Variants in CNTNAP2 observed in about 807,000 individuals in gnomAD.
CNTNAP2 encodes the protein contactin-associated protein-like 2.
Under a neutral mutation model 155.2 loss-of-function variants are expected in CNTNAP2, and 98 were observed. That is an observed-to-expected ratio of 0.63 (90% CI 0.54 to 0.75). CNTNAP2 has a LOEUF of 0.75. Among genes scored for constraint, CNTNAP2 ranks in the 30% least tolerant of loss-of-function variants. The pLI, the probability that CNTNAP2 is intolerant of heterozygous loss-of-function variation, is 0.00. For synonymous variants in CNTNAP2, 651 were observed against 631.2 expected (o/e 1.03, Z -0.47); for missense variants, 1,727 against 1,688.1 (o/e 1.02, Z -0.40).
At chr7:146,335,683 A>C (rs932070907) in intron 1 of CNTNAP2, among the ~76,000 whole-genome samples, 4 of 152,014 alleles carry the variant, frequency 2.6e-5, no homozygotes, top group Non-Finnish European at 4.4e-5. Flanking sequence ...TTTTAATATG[A>C]TTTTCTAACT....
intron 15 of CNTNAP2, among the ~76,000 whole-genome samples, chr7:148,117,647 G>A (rs1235560188): frequency 1.3e-5 from 2 of 152,090 alleles, no homozygotes; most frequent in Admixed American, 6.5e-5. Context: ...TACATATGCA[G>A]GAGTTCAAAA....
At chr7:148,086,818 A>G (rs185139483) in intron 15 of CNTNAP2, among the ~76,000 whole-genome samples, 168 of 152,312 alleles carry the variant, frequency 1.1e-3, no homozygotes, top group Middle Eastern at 6.8e-3. Context: ...AGATTCAGAC[A>G]CTAGCCAGTC....
intron 13 of CNTNAP2, among the ~76,000 whole-genome samples, chr7:147,649,870 TAAAA>T (rs35530912): frequency 6.6e-6 from 1 of 151,056 alleles, no homozygotes; most frequent in African/African-American, 2.4e-5. Flanking sequence ...ATTGGATAGA[TAAAA>T]AAAAATGTAC....
At chr7:147,567,577 A>C (rs1312677304) in intron 12 of CNTNAP2, among the ~76,000 whole-genome samples, 1 of 152,100 alleles carries the variant, frequency 6.6e-6, no homozygotes, top group Admixed American at 6.5e-5. Context: ...GATTGATTTG[A>C]TGGGTATTTA....
intron 10 of CNTNAP2, among the ~76,000 whole-genome samples, chr7:147,441,807 G>GTT (rs1425736016): frequency 1.3e-5 from 1 of 76,826 alleles, no homozygotes; most frequent in Non-Finnish European, 2.8e-5. Context: ...ACCAAATGTA[G>GTT]TCTCTTTCTC....
intron 3 of CNTNAP2, among the ~76,000 whole-genome samples, chr7:146,845,557 T>C (rs529263225): frequency 4.6e-5 from 7 of 152,318 alleles, no homozygotes; most frequent in African/African-American, 1.4e-4. Context: ...TCTAGTGTAG[T>C]ATGTTTTTTC....
intron 10 of CNTNAP2, among the ~76,000 whole-genome samples, chr7:147,401,054 G>A (rs2116467105): frequency 6.6e-6 from 1 of 152,224 alleles, no homozygotes; most frequent in Non-Finnish European, 1.5e-5. Context: ...TTTTAGTGAT[G>A]TCCCCTAGAG....
At chr7:148,235,974 C>G (rs1023814091) in intron 20 of CNTNAP2, among the ~76,000 whole-genome samples, 1 of 147,950 alleles carries the variant, frequency 6.8e-6, no homozygotes, top group African/African-American at 2.4e-5. Flanking sequence ...TGTGAGCCAC[C>G]GCGCCTGGCT....
intron 1 of CNTNAP2, among the ~76,000 whole-genome samples, chr7:146,251,038 A>G (rs1799748296): frequency 6.6e-6 from 1 of 152,176 alleles, no homozygotes; most frequent in Non-Finnish European, 1.5e-5. Flanking sequence ...TTCTTGGTTA[A>G]TAGACCCTTT....
chr7:146,355,253 G>A (rs1467145548), intron 1 of CNTNAP2, among the ~76,000 whole-genome samples: 1 of 152,126 alleles, frequency 6.6e-6, no homozygotes, highest in African/African-American at 2.4e-5. Context: ...CTTGATTTAA[G>A]CCATAGCCAG....
chr7:148,147,845 T>A, intron 17 of CNTNAP2, 136 bp downstream of exon 17: 1 of 851,772 alleles, frequency 1.2e-6, no homozygotes, highest in Non-Finnish European at 1.9e-6. Context: ...TGGCCTCTTG[T>A]AGTCTCCTTC....
intron 1 of CNTNAP2, among the ~76,000 whole-genome samples, chr7:146,463,987 C>A (rs1796677803): frequency 6.6e-6 from 1 of 151,978 alleles, no homozygotes; most frequent in African/African-American, 2.4e-5. Context: ...GAATTTGAGA[C>A]CAGATCAGGA....
At chr7:146,373,949 T>G (rs990476257) in intron 1 of CNTNAP2, among the ~76,000 whole-genome samples, 14 of 152,182 alleles carry the variant, frequency 9.2e-5, no homozygotes, top group African/African-American at 3.4e-4. Context: ...GTTTTAAAAC[T>G]TTCAATCATG....
chr7:147,755,783 G>A (rs1158655247), intron 13 of CNTNAP2, among the ~76,000 whole-genome samples: 3 of 152,196 alleles, frequency 2.0e-5, no homozygotes, highest in Non-Finnish European at 2.9e-5. Flanking sequence ...GTTTAGTGCT[G>A]TGCTGTTGCC....
intron 19 of CNTNAP2, among the ~76,000 whole-genome samples, chr7:148,223,764 T>C (rs2116768333): frequency 6.6e-6 from 1 of 152,100 alleles, no homozygotes; most frequent in East Asian, 1.9e-4. Context: ...TGCCATTAAG[T>C]GAAGCAGTTA....
At chr7:146,923,753 T>C (rs192021189) in intron 3 of CNTNAP2, among the ~76,000 whole-genome samples, 1 of 152,292 alleles carries the variant, frequency 6.6e-6, no homozygotes, top group Admixed American at 6.5e-5. Flanking sequence ...ATAGGTCCTC[T>C]AATTTGATCA....
chr7:146,498,037 G>C (rs956412865), intron 1 of CNTNAP2, among the ~76,000 whole-genome samples: 1 of 152,058 alleles, frequency 6.6e-6, no homozygotes, highest in Non-Finnish European at 1.5e-5. Flanking sequence ...CAGTTAGTAA[G>C]AGAAGTTAAA....
At chr7:148,230,092 C>T (rs1795931911) in intron 20 of CNTNAP2, among the ~76,000 whole-genome samples, 1 of 152,334 alleles carries the variant, frequency 6.6e-6, no homozygotes, top group South Asian at 2.1e-4. Flanking sequence ...CATCTTTCTT[C>T]GCCAAGCTCT....
intron 13 of CNTNAP2, among the ~76,000 whole-genome samples, chr7:147,646,068 G>T (rs554216506): frequency 1.3e-5 from 2 of 152,192 alleles, no homozygotes; most frequent in Non-Finnish European, 1.5e-5. Context: ...GAGTCTGTCC[G>T]CACCAGAGTG....
Sources: allele counts gnomAD v4.1 joint callset (sites outside exome capture counted in the v4.1 genomes callset), GRCh38; gene constraint gnomAD v4.1.1; transcripts MANE v1.5; gene names NCBI Gene and HGNC (gene_info 2026-07-23, HGNC 2026-07-21).